The following KCNB2 variants were observed in gnomAD, a reference collection of about 807,000 sequenced individuals.
The protein encoded by KCNB2 is delayed rectifier potassium channel protein.
A neutral mutation model predicts 61.5 loss-of-function variants in KCNB2; 15 were observed. The ratio of observed to expected loss-of-function variants is 0.24; its 90% CI spans 0.16 to 0.38. The LOEUF is 0.38. Ranked by LOEUF, KCNB2 falls within the 10% of genes least tolerant of loss-of-function variation. KCNB2 has a pLI of 1.00. For synonymous variants in KCNB2, 457 were observed against 446.0 expected (o/e 1.02, Z -0.31); for missense variants, 828 against 1,125.2 (o/e 0.74, Z 3.78).
chr8:72,812,822 A>G (rs904241753), intron 2 of KCNB2, among the ~76,000 whole-genome samples: 2 of 152,150 alleles, frequency 1.3e-5, no homozygotes, highest in Admixed American at 6.5e-5. Context: ...ATTGATATGC[A>G]TAAGTTCTTT....
chr8:72,819,568 G>A (rs904418374), intron 2 of KCNB2, among the ~76,000 whole-genome samples: 1 of 152,098 alleles, frequency 6.6e-6, no homozygotes, highest in African/African-American at 2.4e-5. Context: ...ATAGGAATGT[G>A]ATAATTATAG....
chr8:72,700,196 G>A (rs1160952554), intron 2 of KCNB2, among the ~76,000 whole-genome samples: 2 of 152,118 alleles, frequency 1.3e-5, no homozygotes, highest in South Asian at 4.2e-4. Context: ...GTTCTGTTGG[G>A]GTTTGGGGGG....
chr8:72,903,259 C>T (rs1358506476), intron 2 of KCNB2, among the ~76,000 whole-genome samples: 1 of 152,052 alleles, frequency 6.6e-6, no homozygotes, highest in Non-Finnish European at 1.5e-5. Context: ...AGGGAAAGAG[C>T]CTGATACTGG....
At chr8:72,785,534 G>T (rs1001643771) in intron 2 of KCNB2, among the ~76,000 whole-genome samples, 1 of 152,132 alleles carries the variant, frequency 6.6e-6, no homozygotes, top group African/African-American at 2.4e-5. Flanking sequence ...AAAGAAAAAT[G>T]ACAGGGATTT....
At chr8:72,617,407 A>G (rs1419200206) in intron 2 of KCNB2, among the ~76,000 whole-genome samples, 1 of 152,158 alleles carries the variant, frequency 6.6e-6, no homozygotes, top group Non-Finnish European at 1.5e-5. Flanking sequence ...TGTTTTAGAA[A>G]GGCGGGGATT....
intron 2 of KCNB2, among the ~76,000 whole-genome samples, chr8:72,744,529 A>G (rs1808024018): frequency 6.6e-6 from 1 of 152,198 alleles, no homozygotes; most frequent in African/African-American, 2.4e-5. Context: ...TAGGAATAAT[A>G]TAATATCTGT....
At chr8:72,849,846 A>C (rs983200999) in intron 2 of KCNB2, among the ~76,000 whole-genome samples, 1 of 152,150 alleles carries the variant, frequency 6.6e-6, no homozygotes, top group African/African-American at 2.4e-5. Flanking sequence ...TCCTTCTAAG[A>C]CTTTGACTCC....
chr8:72,935,662 C>A (rs1359269557), intron 2 of KCNB2, among the ~76,000 whole-genome samples: 5 of 152,262 alleles, frequency 3.3e-5, no homozygotes, highest in Admixed American at 2.0e-4. Flanking sequence ...ACTATTCCAG[C>A]CATATGTGGC....
At chr8:72,852,476 C>T (rs1190840625) in intron 2 of KCNB2, among the ~76,000 whole-genome samples, 5 of 152,088 alleles carry the variant, frequency 3.3e-5, no homozygotes. Flanking sequence ...ATGATACAAA[C>T]CACAGTTGAA....
At chr8:72,747,353 C>T (rs1198029717) in intron 2 of KCNB2, among the ~76,000 whole-genome samples, 3 of 152,222 alleles carry the variant, frequency 2.0e-5, no homozygotes, top group South Asian at 2.1e-4. Flanking sequence ...CAGTGAGTGG[C>T]CCAGATCGTA....
chr8:72,778,706 G>A (rs1439975370), intron 2 of KCNB2, among the ~76,000 whole-genome samples: 10 of 103,762 alleles, frequency 9.6e-5, no homozygotes, highest in Non-Finnish European at 1.8e-4. Context: ...CTGCACCACT[G>A]CATTCCAGCC....
At chr8:72,763,373 G>A (rs1466619666) in intron 2 of KCNB2, among the ~76,000 whole-genome samples, 1 of 151,636 alleles carries the variant, frequency 6.6e-6, no homozygotes, top group Non-Finnish European at 1.5e-5. Flanking sequence ...AACAAGCACC[G>A]AAGTATCAGA....
intron 2 of KCNB2, among the ~76,000 whole-genome samples, chr8:72,610,804 T>G (rs1805525240): frequency 6.6e-6 from 1 of 152,180 alleles, no homozygotes; most frequent in South Asian, 2.1e-4. Flanking sequence ...GTGGTTTACG[T>G]AACATACAGG....
chr8:72,614,583 A>G (rs1805590257), intron 2 of KCNB2, among the ~76,000 whole-genome samples: 2 of 152,142 alleles, frequency 1.3e-5, no homozygotes, highest in Non-Finnish European at 2.9e-5. Context: ...TTGTTAGTGG[A>G]CACAATTGCT....
At chr8:72,842,693 T>A (rs1412962265) in intron 2 of KCNB2, among the ~76,000 whole-genome samples, 1 of 152,226 alleles carries the variant, frequency 6.6e-6, no homozygotes, top group East Asian at 1.9e-4. Context: ...ATTTATCCAT[T>A]TCTTCTAGAT....
At chr8:72,694,424 A>G (rs1197221405) in intron 2 of KCNB2, among the ~76,000 whole-genome samples, 3 of 152,218 alleles carry the variant, frequency 2.0e-5, no homozygotes, top group Non-Finnish European at 4.4e-5. Context: ...AATTTTATAA[A>G]GAGAAATCTG....
At chr8:72,705,093 G>T (rs1218112842) in intron 2 of KCNB2, among the ~76,000 whole-genome samples, 1 of 152,178 alleles carries the variant, frequency 6.6e-6, no homozygotes, top group Non-Finnish European at 1.5e-5. Flanking sequence ...GCCTAGGGTG[G>T]TTTAAATCTT....
chr8:72,836,832 C>T (rs1430478495), intron 2 of KCNB2, among the ~76,000 whole-genome samples: 1 of 152,104 alleles, frequency 6.6e-6, no homozygotes, highest in South Asian at 2.1e-4. Flanking sequence ...AATCCTGGAA[C>T]CCAGGAAGTT....
chr8:72,588,696 C>T (rs1050258675), intron 2 of KCNB2, among the ~76,000 whole-genome samples: 7 of 151,862 alleles, frequency 4.6e-5, no homozygotes, highest in Middle Eastern at 6.8e-3. Context: ...GAGTTTGATA[C>T]CAGCCTGGAC....
Sources: allele counts gnomAD v4.1 joint callset (sites outside exome capture counted in the v4.1 genomes callset), GRCh38; gene constraint gnomAD v4.1.1; transcripts MANE v1.5; gene names NCBI Gene and HGNC (gene_info 2026-07-23, HGNC 2026-07-21).